Variants in PELI2 observed in about 807,000 individuals in gnomAD.
PELI2 encodes the protein pellino E3 ubiquitin protein ligase family member 2.
A neutral mutation model predicts 42.3 loss-of-function variants in PELI2; 23 were observed. That is an observed-to-expected ratio of 0.54 (90% CI 0.39 to 0.77). The LOEUF (loss-of-function observed/expected upper bound fraction) is 0.77, where lower values mean the gene tolerates loss of function less well. PELI2 is among the 30% of genes least tolerant of loss of function. The pLI is 0.00. For missense variants in PELI2, 463 were observed against 553.2 expected (o/e 0.84, Z 1.64); for synonymous variants, 245 against 212.2 (o/e 1.15, Z -1.34).
At chr14:56,193,640 C>T (rs893858655) in intron 2 of PELI2, among the ~76,000 whole-genome samples, 2 of 152,054 alleles carry the variant, frequency 1.3e-5, no homozygotes, top group African/African-American at 2.4e-5. Flanking sequence ...ATTACATTGA[C>T]CAGTTTATAG....
intron 2 of PELI2, among the ~76,000 whole-genome samples, chr14:56,278,353 G>T (rs1889364174): frequency 6.6e-6 from 1 of 152,108 alleles, no homozygotes; most frequent in Non-Finnish European, 1.5e-5. Context: ...TACCACAAAA[G>T]TTAATTAACA....
intron 2 of PELI2, among the ~76,000 whole-genome samples, chr14:56,254,962 C>G (rs535966990): frequency 6.6e-6 from 1 of 152,266 alleles, no homozygotes; most frequent in East Asian, 1.9e-4. Flanking sequence ...GTTAGAGTGG[C>G]GACCATTACA....
intron 1 of PELI2, among the ~76,000 whole-genome samples, chr14:56,140,517 C>G (rs188853395): frequency 6.6e-6 from 1 of 152,120 alleles, no homozygotes; most frequent in African/African-American, 2.4e-5. Context: ...AAAACAACTC[C>G]TGTTTTGAAA....
chr14:56,144,916 A>G, intron 1 of PELI2: 1 of 921,862 alleles, frequency 1.1e-6, no homozygotes. Flanking sequence ...TTTATTACTG[A>G]CTTTACTCTT....
intron 3 of PELI2, among the ~76,000 whole-genome samples, chr14:56,286,387 G>T (rs980156908): frequency 1.3e-5 from 2 of 152,144 alleles, no homozygotes; most frequent in Non-Finnish European, 2.9e-5. Flanking sequence ...AAAAGGTGAG[G>T]CCCTTCTAGA....
At chr14:56,176,109 G>T (rs1286497239) in intron 1 of PELI2, among the ~76,000 whole-genome samples, 1 of 152,230 alleles carries the variant, frequency 6.6e-6, no homozygotes, top group Admixed American at 6.5e-5. Context: ...CAGCCCCAGA[G>T]TGGTGGGGAA....
chr14:56,195,482 C>T (rs1886098900), intron 2 of PELI2, among the ~76,000 whole-genome samples: 1 of 152,298 alleles, frequency 6.6e-6, no homozygotes, highest in South Asian at 2.1e-4. Flanking sequence ...CTGCATCTGT[C>T]CACCGAGGCA....
intron 2 of PELI2, among the ~76,000 whole-genome samples, chr14:56,260,107 T>C (rs1350716879): frequency 6.6e-6 from 1 of 152,060 alleles, no homozygotes; most frequent in Non-Finnish European, 1.5e-5. Flanking sequence ...TTGCCTGTTT[T>C]GTGACAAAAA....
At position 56,238,332 on chromosome 14, in the gene PELI2, A is replaced by G. The variant is rs540663868; in HGVS notation, c.208-41344A>G. Reference sequence around the variant, plus strand: ...AGTTCTTAAAATCTCATTTTACCCAACATTTGATGTCAATTGCTGTTTCGT... The same window carrying G: ...AGTTCTTAAAATCTCATTTTACCCAGCATTTGATGTCAATTGCTGTTTCGT... On this transcript the variant is annotated intron_variant, in intron 2 of 5. Coordinates refer to ENST00000267460, the MANE Select transcript of PELI2 (RefSeq NM_021255.3). Among the ~76,000 whole-genome samples, 8 of 152,334 alleles carry G rather than the reference A, an allele frequency of 5.3e-5. No individual in the cohort carries two copies. In the South Asian group the frequency reaches 1.0e-3, roughly 20 times the overall value.
chr14:56,212,798 G>T (rs1010972074), intron 2 of PELI2, among the ~76,000 whole-genome samples: 44 of 152,186 alleles, frequency 2.9e-4, no homozygotes, highest in Non-Finnish European at 5.3e-4. Context: ...CAGGGGATGT[G>T]TTCCAGTGGC....
At chr14:56,122,374 G>C (rs1447943033) in intron 1 of PELI2, among the ~76,000 whole-genome samples, 1 of 152,152 alleles carries the variant, frequency 6.6e-6, no homozygotes, top group Non-Finnish European at 1.5e-5. Context: ...GTTCATAGTT[G>C]ATCTGGGCTG....
At chr14:56,158,220 G>A (rs1033109192) in intron 1 of PELI2, among the ~76,000 whole-genome samples, 8 of 151,950 alleles carry the variant, frequency 5.3e-5, no homozygotes, top group African/African-American at 1.9e-4. Flanking sequence ...TAGAGACGGG[G>A]TTTCATGGTG....
chr14:56,125,277 G>C (rs886228263), intron 1 of PELI2, among the ~76,000 whole-genome samples: 1 of 152,126 alleles, frequency 6.6e-6, no homozygotes, highest in Non-Finnish European at 1.5e-5. Flanking sequence ...AAGACAGACA[G>C]CTGCCCTTCC....
chr14:56,273,446 A>G lies in PELI2; in HGVS notation c.208-6230A>G, dbSNP rs1057379523. Among the ~76,000 whole-genome samples, 1 of 152,218 alleles carries G rather than the reference A, an allele frequency of 6.6e-6. No individual in the cohort carries two copies. The highest frequency in any genetic ancestry group is 1.5e-5 in the Non-Finnish European group (1 of 68,038). On this transcript the variant is annotated intron_variant, in intron 2 of 5. Transcript: ENST00000267460. The surrounding 1 kb of genome is among the most constrained non-coding windows in gnomAD (Gnocchi z 4.3). ...CCAGATGATACATGATGATTGCACA[A>G]AAGCATCTTCAGGACAGAAAGTTAA... is the stretch of plus-strand genomic sequence containing the variant.
intron 2 of PELI2, among the ~76,000 whole-genome samples, chr14:56,244,321 G>C (rs1419353915): frequency 6.6e-6 from 1 of 152,134 alleles, no homozygotes; most frequent in Non-Finnish European, 1.5e-5. Flanking sequence ...GTAATATCAG[G>C]GGTATGCAAT....
intron 2 of PELI2, among the ~76,000 whole-genome samples, chr14:56,224,078 A>G (rs1266935159): frequency 2.0e-5 from 3 of 152,228 alleles, no homozygotes; most frequent in Non-Finnish European, 4.4e-5. Context: ...AAAAGGAGAA[A>G]AGAAAGGAGA....
intron 4 of PELI2, among the ~76,000 whole-genome samples, chr14:56,289,279 T>C (rs1260539551): frequency 1.3e-5 from 2 of 152,338 alleles, no homozygotes; most frequent in Non-Finnish European, 2.9e-5. Context: ...AGTGGTTCTG[T>C]GACATCCAGT....
intron 2 of PELI2, among the ~76,000 whole-genome samples, chr14:56,188,811 T>G (rs989294583): frequency 6.6e-6 from 1 of 152,222 alleles, no homozygotes. Flanking sequence ...CTGTTTAATA[T>G]CTGTAGGCTC....
intron 2 of PELI2, among the ~76,000 whole-genome samples, chr14:56,276,569 C>G (rs1889298443): frequency 6.6e-6 from 1 of 152,174 alleles, no homozygotes; most frequent in South Asian, 2.1e-4. Flanking sequence ...AGGTGACTAT[C>G]ATGCTAGTTC....
Sources: gnomAD v4.1 joint callset for allele counts (sites outside exome capture counted in the v4.1 genomes callset) on GRCh38, gnomAD v4.1.1 for gene constraint, Gnocchi (gnomAD v3.1) non-coding constraint, MANE v1.5 for transcripts, NCBI Gene and HGNC (gene_info 2026-07-23, HGNC 2026-07-21) for gene names.